The following TANC1 variants were observed in gnomAD, a reference collection of about 807,000 sequenced individuals.
TANC1 encodes tetratricopeptide repeat, ankyrin repeat and coiled-coil containing 1, also known as protein TANC1.
Under a neutral mutation model 149.7 loss-of-function variants are expected in TANC1, and 77 were observed. That is an observed-to-expected ratio of 0.51 (90% CI 0.43 to 0.62). The LOEUF (loss-of-function observed/expected upper bound fraction) is 0.62. Among genes scored for constraint, TANC1 ranks in the 20% least tolerant of loss-of-function variants. TANC1 has a pLI of 0.00. For synonymous variants in TANC1, 854 were observed against 925.0 expected, an observed-to-expected ratio of 0.92 and a Z score of 1.39; for missense variants, 1,985 against 2,321.8, an observed-to-expected ratio of 0.85 and a Z score of 2.98.
intron 3 of TANC1, among the ~76,000 whole-genome samples, chr2:159,077,688 A>C (rs1056336743): frequency 1.3e-5 from 2 of 152,166 alleles, no homozygotes; most frequent in Non-Finnish European, 2.9e-5. Context: ...TCAGTGTTGC[A>C]TTGGGTAGTT....
intron 4 of TANC1, among the ~76,000 whole-genome samples, chr2:159,127,954 C>T (rs143541759): frequency 1.6e-4 from 25 of 152,330 alleles, no homozygotes; most frequent in East Asian, 9.6e-4. Context: ...ATGTCTTAGG[C>T]GTTGCACCAA....
chr2:159,028,295 G>A (rs926827382), intron 2 of TANC1, among the ~76,000 whole-genome samples: 3 of 151,994 alleles, frequency 2.0e-5, no homozygotes, highest in Non-Finnish European at 4.4e-5. Context: ...TAATTTTTGT[G>A]TTTTTAGTAG....
intron 4 of TANC1, among the ~76,000 whole-genome samples, chr2:159,123,433 C>T (rs1179244138): frequency 6.6e-6 from 1 of 152,076 alleles, no homozygotes; most frequent in South Asian, 2.1e-4. Context: ...CGTGGAGCAC[C>T]TTCTAATCAG....
chr2:159,015,590 T>C (rs531612131), intron 2 of TANC1, among the ~76,000 whole-genome samples: 1 of 152,350 alleles, frequency 6.6e-6, no homozygotes, highest in East Asian at 1.9e-4. Flanking sequence ...ATTGTCAGGT[T>C]GCAAATTTTC....
chr2:159,000,801 C>T (rs1033874012), intron 1 of TANC1, among the ~76,000 whole-genome samples: 2 of 152,186 alleles, frequency 1.3e-5, no homozygotes, highest in Admixed American at 1.3e-4. Context: ...AGGTGTGACC[C>T]TGGAAATGGC....
At chr2:158,980,368 C>T (rs918638652) in intron 1 of TANC1, among the ~76,000 whole-genome samples, 2 of 151,794 alleles carry the variant, frequency 1.3e-5, no homozygotes, top group Admixed American at 6.6e-5. Flanking sequence ...AAAATCAAAT[C>T]GCAGACATCA....
intron 3 of TANC1, among the ~76,000 whole-genome samples, chr2:159,081,491 A>T (rs1486447051): frequency 1.3e-5 from 2 of 152,064 alleles, no homozygotes; most frequent in Non-Finnish European, 2.9e-5. Context: ...CTCTGGCCGA[A>T]GATGGGGTCT....
chr2:159,163,306 A>G lies in TANC1; in HGVS notation c.706A>G (p.Asn236Asp). The change falls in exon 8 of 27, where the codon AAT (asparagine) becomes GAT (aspartate). Residue 236 changes from asparagine to aspartate, a missense_variant. Physicochemically the swap from Asn to Asp is conservative, Grantham distance 23 (BLOSUM62 1). Around this residue, in one of 3 missense-constraint regions of TANC1, gnomAD observed 557 missense variants for 612.9 expected, o/e 0.91. Coordinates refer to ENST00000263635, the MANE Select transcript of TANC1 (RefSeq NM_033394.3). ...AGCCACAATTACAAGTTCATCCGAA[A>G]ATGATGACCGGAGTGGCTCCAGTTT... ...IIATITSSSE[N>D]DDRSGSSLEW... 6.2e-7 allele frequency: 1 copy of G among 1,613,526 alleles called. No individual in the cohort carries two copies. Among genetic ancestry groups the G allele is most frequent in the Non-Finnish European group, 8.5e-7 (1 of 1,179,726 alleles).
chr2:159,071,159 T>A (rs935530059), intron 3 of TANC1, among the ~76,000 whole-genome samples: 2 of 152,148 alleles, frequency 1.3e-5, no homozygotes, highest in African/African-American at 4.8e-5. Context: ...TTCTCCTAGT[T>A]GTTCAGTATT....
chr2:159,071,857 C>T (rs1425801487), intron 3 of TANC1, among the ~76,000 whole-genome samples: 2 of 152,110 alleles, frequency 1.3e-5, no homozygotes, highest in African/African-American at 4.8e-5. Flanking sequence ...TCCCAAGCAA[C>T]AAAACAAGCA....
At chr2:159,041,446 C>T (rs191409872) in intron 2 of TANC1, among the ~76,000 whole-genome samples, 5 of 152,310 alleles carry the variant, frequency 3.3e-5, no homozygotes, top group South Asian at 2.1e-4. Context: ...CCACACAGTT[C>T]GAGCTTCCCG....
chr2:158,971,416 T>C (rs842071), intron 1 of TANC1, among the ~76,000 whole-genome samples: 43,307 of 152,122 alleles, frequency 0.28, 6,532 homozygotes, highest in East Asian at 0.49. Context: ...ATCTTTATGA[T>C]AAAATAAAGT....
Position 159,219,849 on chromosome 2 carries a change from C to T in TANC1, c.3660C>T (p.Phe1220=), listed in dbSNP as rs759487763. 3.1e-6 allele frequency: 5 copies of T among 1,613,268 alleles called. No homozygotes were observed. The highest frequency in any genetic ancestry group is 4.2e-6 in the Non-Finnish European group (5 of 1,180,016). The change falls in exon 22 of 27, where the codon TTC becomes TTT. Residue 1220 remains phenylalanine, a synonymous_variant. Coordinates refer to ENST00000263635, the MANE Select transcript of TANC1 (RefSeq NM_033394.3). The stretch of plus-strand genomic sequence containing the variant: ...GCACACCCTTGGACCTGGCTGCCTT[C>T]TATGGCGATGCCGAGACTGTGAGTA... ...NGRTPLDLAA[F]YGDAETVLYL... is the part of the protein sequence containing the mutation.
chr2:159,226,759 C>T (rs2060048263), intron 24 of TANC1: 1 of 152,176 alleles, frequency 6.6e-6, no homozygotes, highest in Admixed American at 6.5e-5. Context: ...ATGTTTTAGG[C>T]TTTGCAGACT....
At chr2:159,190,138 G>A (rs988435669) in intron 16 of TANC1, among the ~76,000 whole-genome samples, 1 of 152,184 alleles carries the variant, frequency 6.6e-6, no homozygotes, top group African/African-American at 2.4e-5. Flanking sequence ...ATGGCATGCT[G>A]CTGTTTTCTT....
At chr2:159,068,866 A>C (rs867847368) in intron 3 of TANC1, among the ~76,000 whole-genome samples, 2 of 151,948 alleles carry the variant, frequency 1.3e-5, no homozygotes, top group African/African-American at 4.8e-5. Flanking sequence ...CAGCCTCCCG[A>C]GTAGTTGGGA....
chr2:159,078,443 C>A (rs1342136896), intron 3 of TANC1, among the ~76,000 whole-genome samples: 1 of 152,108 alleles, frequency 6.6e-6, no homozygotes, highest in African/African-American at 2.4e-5. Flanking sequence ...TGTAAGTCAT[C>A]CTTTATTTTT....
At chr2:159,195,527 A>G (rs1272507530) in intron 17 of TANC1, among the ~76,000 whole-genome samples, 2 of 152,190 alleles carry the variant, frequency 1.3e-5, no homozygotes, top group Non-Finnish European at 2.9e-5. Context: ...GAATAACAGT[A>G]GAGATAAACT....
At chr2:159,070,457 G>C (rs1425711364) in intron 3 of TANC1, among the ~76,000 whole-genome samples, 1 of 152,140 alleles carries the variant, frequency 6.6e-6, no homozygotes, top group East Asian at 1.9e-4. Context: ...GTTCACTCTT[G>C]ATATTGTGTA....
Sources: allele counts gnomAD v4.1 joint callset (sites outside exome capture counted in the v4.1 genomes callset), GRCh38; gene constraint gnomAD v4.1.1; regional missense constraint gnomAD v4.1.1; transcripts MANE v1.5; gene names NCBI Gene and HGNC (gene_info 2026-07-23, HGNC 2026-07-21).